The following PGLYRP4 variants were observed in gnomAD, a reference collection of about 807,000 sequenced individuals.
PGLYRP4 encodes the protein peptidoglycan recognition protein 4.
Under a neutral mutation model 41.2 loss-of-function variants are expected in PGLYRP4, and 39 were observed. The ratio of observed to expected loss-of-function variants is 0.95; its 90% CI spans 0.73 to 1.24. PGLYRP4 has a LOEUF of 1.24. Ranked by LOEUF, PGLYRP4 falls within the 50% of genes most tolerant of loss-of-function variation. PGLYRP4 has a pLI of 0.00. For missense variants in PGLYRP4, 467 were observed against 460.7 expected, an observed-to-expected ratio of 1.01 and a Z score of -0.13; for synonymous variants, 202 against 186.8, an observed-to-expected ratio of 1.08 and a Z score of -0.66.
At chr1:153,343,031 G>T in intron 5 of PGLYRP4, 59 bp downstream of exon 5, 1 of 1,001,076 alleles carries the variant, frequency 1.0e-6, no homozygotes, top group Non-Finnish European at 1.6e-6. Flanking sequence ...CCATGAAGTG[G>T]CCCCTGAGAC....
At chr1:153,346,335 G>C in intron 2 of PGLYRP4, 144 bp from the exon 3 acceptor site, 1 of 676,766 alleles carries the variant, frequency 1.5e-6, no homozygotes, top group Non-Finnish European at 2.6e-6. Flanking sequence ...AAATCTCTCT[G>C]GGCTGACCAG....
chr1:153,335,421 C>T (rs1660513545), intron 8 of PGLYRP4, among the ~76,000 whole-genome samples: 1 of 152,040 alleles, frequency 6.6e-6, no homozygotes, highest in Non-Finnish European at 1.5e-5. Context: ...ATGCTAGCAG[C>T]CAAAAACCAT....
In PGLYRP4 at chr1:153,345,392, G is replaced by A. The variant is rs117154160; in HGVS notation, c.140-10C>T. On this transcript the variant is annotated splice_polypyrimidine_tract_variant and intron_variant, in intron 3 of 8. Transcript: ENST00000359650. The stretch of plus-strand genomic sequence containing the variant: ...ACATCTGTGGGAAGGCCTTGGGGAC[G>A]TCACTCAGCGCACCTGCCCCATCAC... The A allele has an allele frequency of 2.4e-3, 3,827 of 1,611,686 alleles. 128 individuals are homozygous for A. The East Asian group carries it at 0.07, about 29-fold the overall frequency.
chr1:153,340,630 G>A, intron 6 of PGLYRP4, 51 bp from the exon 7 acceptor site: 3 of 1,567,552 alleles, frequency 1.9e-6, no homozygotes, highest in Non-Finnish European at 1.7e-6. Flanking sequence ...ATCTATGCCA[G>A]CCACTTCTCC....
chr1:153,334,249 C>T (rs1660448331), intron 8 of PGLYRP4, among the ~76,000 whole-genome samples: 1 of 122,764 alleles, frequency 8.1e-6, no homozygotes, highest in African/African-American at 2.8e-5. Flanking sequence ...TTTCTATACA[C>T]CAATAACAAT....
At chr1:153,334,319 T>G (rs886571277) in intron 8 of PGLYRP4, among the ~76,000 whole-genome samples, 1 of 151,252 alleles carries the variant, frequency 6.6e-6, no homozygotes, top group Non-Finnish European at 1.5e-5. Context: ...TAGATAGATA[T>G]AGATAGATAA....
At chr1:153,346,213 T>G (rs777145295) in intron 2 of PGLYRP4, 22 bp from the exon 3 acceptor site, 7 of 1,586,012 alleles carry the variant, frequency 4.4e-6, no homozygotes, top group Non-Finnish European at 6.1e-6. Context: ...TATCCCATTT[T>G]GCATCAGAGA....
At position 153,330,886 on chromosome 1, in the gene PGLYRP4, C is replaced by A; in HGVS notation, c.1003G>T (p.Val335Phe). ...TAGTTGGGAGTCAGGTACCCTTTGA[C>A]CATGGCACACTGGATCAGGTCTTGG... ...AAQDLIQCAMVKGYLTPNYLL... is the reference protein window; with the variant it reads ...AAQDLIQCAMFKGYLTPNYLL... The change falls in exon 9 of 9, where the codon GTC (valine) becomes TTC (phenylalanine). Residue 335 changes from valine (V) to phenylalanine (F), a missense_variant. Val to Phe is a conservative substitution (Grantham distance 50). Coordinates refer to ENST00000359650, the MANE Select transcript of PGLYRP4 (RefSeq NM_020393.4). The A allele has an allele frequency of 6.2e-7, 1 of 1,614,028 alleles. No homozygotes were observed. Among genetic ancestry groups the A allele is most frequent in the Non-Finnish European group, 8.5e-7 (1 of 1,179,942 alleles).
intron 7 of PGLYRP4, among the ~76,000 whole-genome samples, chr1:153,339,556 G>C (rs1291517775): frequency 6.6e-6 from 1 of 152,156 alleles, no homozygotes; most frequent in African/African-American, 2.4e-5. Flanking sequence ...TTAAAATTTA[G>C]TGTGAATTTT....
Position 153,341,662 on chromosome 1 carries a change from C to G in PGLYRP4, c.590G>C (p.Cys197Ser), listed in dbSNP as rs750388532. 1.2e-6 allele frequency: 2 copies of G among 1,613,458 alleles called. No individual in the cohort carries two copies. The highest frequency in any genetic ancestry group is 1.7e-5 in the Admixed American group (1 of 60,036). Residue 197 changes from cysteine (C) to serine (S), a missense_variant, in exon 6 of 9, where the codon TGC (cysteine) becomes TCC (serine). Physicochemically the swap from Cys to Ser is moderately radical, Grantham distance 112. Transcript: ENST00000359650. Reference sequence around the variant, plus strand: ...GCTTGTCTTCTGCCGAGGGGCCAGGCAGTTCTCGCCTTTCCCAAGAAGTGG... The same window carrying G: ...GCTTGTCTTCTGCCGAGGGGCCAGGGAGTTCTCGCCTTTCCCAAGAAGTGG... ...VQPLLGKGEN[C>S]LAPRQKTSLK...
At chr1:153,332,300 A>G (rs1660373504) in intron 8 of PGLYRP4, among the ~76,000 whole-genome samples, 1 of 152,216 alleles carries the variant, frequency 6.6e-6, no homozygotes, top group Non-Finnish European at 1.5e-5. Context: ...CAACTCATAT[A>G]TATATAATGC....
Position 153,341,708 on chromosome 1 carries a change from G to C in PGLYRP4, c.544C>G (p.Leu182Val), listed in dbSNP as rs763577635. ...LITYAVQKGH[L>V]SSSYVQPLLG... ...AGTGGCTGAACATAACTGGATGACAGGTGGCCCTTCTGGACAGCATAGGTG... is the reference window on the plus strand; with the variant it reads ...AGTGGCTGAACATAACTGGATGACACGTGGCCCTTCTGGACAGCATAGGTG... Residue 182 changes from leucine to valine, a missense_variant, in exon 6 of 9, where the codon CTG becomes GTG. Physicochemically the swap from Leu to Val is conservative, Grantham distance 32. Coordinates refer to ENST00000359650, the MANE Select transcript of PGLYRP4 (RefSeq NM_020393.4). 9.9e-6 allele frequency: 16 copies of C among 1,613,878 alleles called. No homozygotes were observed. In the East Asian group the frequency reaches 3.3e-4, roughly 34 times the overall value.
chr1:153,343,617 C>A (rs144086014), intron 4 of PGLYRP4, among the ~76,000 whole-genome samples: 115 of 152,296 alleles, frequency 7.6e-4, no homozygotes, highest in African/African-American at 2.7e-3. Context: ...TGATTTCTCC[C>A]TGTCACGTAA....
Position 153,345,181 on chromosome 1 carries a change from T to A in PGLYRP4, c.341A>T (p.Asp114Val). 5.6e-6 allele frequency: 9 copies of A among 1,611,008 alleles called. No individual in the cohort carries two copies. The highest frequency in any genetic ancestry group is 7.6e-6 in the Non-Finnish European group (9 of 1,179,000). ...AHHVHNNSGC[D>V]VAYNFLVGDD... is the part of the protein sequence containing the mutation. ...ACCCAGCTCTTACTTGTAGGCCACA[T>A]CACACCCACTGTTGTTGTGGACATG... is the stretch of plus-strand genomic sequence containing the variant. The change falls in exon 4 of 9, where the codon GAT becomes GTT. Residue 114 changes from aspartate (D) to valine (V), a missense_variant. Transcript: ENST00000359650.
chr1:153,335,727 A>AAATG (rs1660529887), intron 8 of PGLYRP4, among the ~76,000 whole-genome samples: 1 of 133,634 alleles, frequency 7.5e-6, no homozygotes, highest in African/African-American at 2.7e-5. Context: ...CTGTCTAAAT[A>AAATG]AATAAATAAA....
chr1:153,334,654 G>A (rs1050396004), intron 8 of PGLYRP4, among the ~76,000 whole-genome samples: 9 of 151,640 alleles, frequency 5.9e-5, no homozygotes, highest in African/African-American at 2.2e-4. Context: ...ATTCAACGCA[G>A]TTCCTATCAA....
chr1:153,333,185 GA>G (rs894762155), intron 8 of PGLYRP4, among the ~76,000 whole-genome samples: 12 of 151,576 alleles, frequency 7.9e-5, no homozygotes, highest in African/African-American at 2.7e-4. Context: ...GATTAACCAA[GA>G]AAAAAAGAGA....
At chr1:153,334,336 C>G (rs868527929) in intron 8 of PGLYRP4, among the ~76,000 whole-genome samples, 2 of 150,530 alleles carry the variant, frequency 1.3e-5, no homozygotes, top group South Asian at 2.1e-4. Flanking sequence ...ATAAATACAC[C>G]TGTTATATAT....
intron 2 of PGLYRP4, 85 bp downstream of exon 2, chr1:153,347,799 G>T: frequency 1.0e-6 from 1 of 990,820 alleles, no homozygotes; most frequent in East Asian, 2.6e-5. Context: ...GGCTCAGATG[G>T]ACAGTAGGTA....
Sources: gnomAD v4.1 joint callset for allele counts (sites outside exome capture counted in the v4.1 genomes callset) on GRCh38, gnomAD v4.1.1 for gene constraint, MANE v1.5 for transcripts, NCBI Gene and HGNC (gene_info 2026-07-23, HGNC 2026-07-21) for gene names.